The following ANTXRL variants were observed in gnomAD, a reference collection of about 807,000 sequenced individuals.
ANTXRL encodes the protein ANTXR like, also known as anthrax toxin receptor-like.
In ANTXRL, 63 loss-of-function variants were observed where a neutral mutation model predicts 75.4. The ratio of observed to expected loss-of-function variants is 0.84; its 90% CI spans 0.68 to 1.03. The LOEUF (loss-of-function observed/expected upper bound fraction) is 1.03. ANTXRL is among the 50% of genes least tolerant of loss of function. The pLI is 0.00. For synonymous variants in ANTXRL, 335 were observed against 291.3 expected, an observed-to-expected ratio of 1.15 and a Z score of -1.53; for missense variants, 797 against 789.4, an observed-to-expected ratio of 1.01 and a Z score of -0.12.
intron 12 of ANTXRL, among the ~76,000 whole-genome samples, chr10:46,308,878 CA>C (rs1188070094): frequency 6.6e-6 from 1 of 152,154 alleles, no homozygotes; most frequent in Non-Finnish European, 1.5e-5. Flanking sequence ...GTGGGATCAT[CA>C]GACCATGGAA....
chr10:46,295,788 C>T (rs540684268), intron 3 of ANTXRL, among the ~76,000 whole-genome samples: 7 of 152,240 alleles, frequency 4.6e-5, no homozygotes, highest in Non-Finnish European at 8.8e-5. Context: ...CCAAGCAGGG[C>T]CCTGGTGAAG....
intron 15 of ANTXRL, among the ~76,000 whole-genome samples, chr10:46,312,477 G>A (rs1306540730): frequency 6.8e-6 from 1 of 147,300 alleles, no homozygotes; most frequent in Non-Finnish European, 1.5e-5. Flanking sequence ...TTCCTACCTG[G>A]CTCTGCCCCT....
chr10:46,318,929 C>T (rs1013489632), intron 16 of ANTXRL, among the ~76,000 whole-genome samples: 7 of 152,196 alleles, frequency 4.6e-5, no homozygotes, highest in Middle Eastern at 3.4e-3. Flanking sequence ...AAAGGGAAAA[C>T]GACATAGAGA....
intron 1 of ANTXRL, among the ~76,000 whole-genome samples, chr10:46,288,480 G>A (rs61845175): frequency 0.026 from 3,894 of 152,100 alleles, 79 homozygotes; most frequent in Non-Finnish European, 0.035. Flanking sequence ...ATTCCTCCTG[G>A]ATACTAATGG....
At chr10:46,308,553 A>G (rs1838238525) in intron 12 of ANTXRL, 1 of 427,422 alleles carries the variant, frequency 2.3e-6, no homozygotes, top group Non-Finnish European at 4.7e-6. Flanking sequence ...AAGAACACCC[A>G]GAGAACTGTT....
Position 46,329,781 on chromosome 10 carries a change from C to CATCT in ANTXRL, c.1594_1597dup (p.Cys533TyrfsTer67). The stretch of plus-strand genomic sequence containing the variant: ...TCAAACAGGCTCGCTGCAGCCCAAA[C>CATCT]ATCTGCCTGAGACACAGCCAACACA... On this transcript the variant is annotated frameshift_variant, in exon 17 of 17. Coordinates refer to ENST00000620264, the MANE Select transcript of ANTXRL (RefSeq NM_001278688.3). LOFTEE classifies it high-confidence loss of function. 1.3e-6 allele frequency: 2 copies of CATCT among 1,535,292 alleles called. No homozygotes were observed. Among genetic ancestry groups the CATCT allele is most frequent in the Non-Finnish European group, 1.7e-6 (2 of 1,146,582 alleles).
chr10:46,310,355 G>A (rs781813360), intron 13 of ANTXRL, 106 bp from the exon 14 acceptor site: 175 of 1,085,980 alleles, frequency 1.6e-4, no homozygotes, highest in Non-Finnish European at 2.3e-4. Context: ...CCCAAAGGCA[G>A]TGCTCTGTCC....
In ANTXRL at chr10:46,311,438, A is replaced by G. The variant is rs1838415209; in HGVS notation, c.1174-72A>G. 4 of 1,426,408 alleles carry G rather than the reference A, an allele frequency of 2.8e-6. No individual in the cohort carries two copies. The African/African-American group carries it at 4.4e-5, about 16-fold the overall frequency. 88.4% of individuals were successfully genotyped at this position (1,426,408 alleles called of 1,614,324 possible). A position where few individuals can be genotyped will look rare whatever the true frequency, so the allele number is the denominator to read the frequency against. On this transcript the variant is annotated intron_variant, in intron 14 of 16. Transcript: ENST00000620264. The stretch of plus-strand genomic sequence containing the variant: ...TCTTTCTGGTCCTTTCATTCCCCAG[A>G]CACACATCTGGGAGTGGCCAGCACT...
rs1554959043 is a variant in ANTXRL at position 46,297,258 on chromosome 10, T to TAA, written c.515_516insAA (p.Pro173IlefsTer4). 1.3e-6 allele frequency: 2 copies of TAA among 1,536,418 alleles called. No individual in the cohort carries two copies. Among genetic ancestry groups the TAA allele is most frequent in the Non-Finnish European group, 1.7e-6 (2 of 1,146,816 alleles). On this transcript the variant is annotated frameshift_variant, in exon 6 of 17. Transcript: ENST00000620264. LOFTEE classifies it high-confidence loss of function. ...CTCTTTGCTTCTTCTACAGACAAGG[T>TAA]TCCCAGCATGATTATTGCTATGACT...
chr10:46,288,120 C>T (rs549090025), intron 1 of ANTXRL, among the ~76,000 whole-genome samples: 11 of 152,220 alleles, frequency 7.2e-5, no homozygotes, highest in Non-Finnish European at 1.3e-4. Context: ...TTCTGGCTCA[C>T]CAGGAAAGAA....
At chr10:46,308,811 G>T (rs1197366484) in intron 12 of ANTXRL, 2 of 441,298 alleles carry the variant, frequency 4.5e-6, no homozygotes, top group Non-Finnish European at 8.3e-6. Flanking sequence ...TCTTTGTACC[G>T]GTAGATTTTG....
chr10:46,321,953 G>A (rs1838997507), intron 16 of ANTXRL, among the ~76,000 whole-genome samples: 1 of 152,102 alleles, frequency 6.6e-6, no homozygotes, highest in South Asian at 2.1e-4. Context: ...AGAAGACAGA[G>A]GGCTAAGGAC....
At chr10:46,309,077 C>T (rs1395520908) in intron 12 of ANTXRL, 36 bp from the exon 13 acceptor site, 11 of 1,535,360 alleles carry the variant, frequency 7.2e-6, no homozygotes, top group Non-Finnish European at 9.6e-6. Flanking sequence ...GAAGAGGCCA[C>T]CGAGGCCCTC....
At chr10:46,324,800 G>C (rs998338728) in intron 16 of ANTXRL, among the ~76,000 whole-genome samples, 1 of 152,118 alleles carries the variant, frequency 6.6e-6, no homozygotes. Flanking sequence ...TGGTTCAGGA[G>C]AGTCAGGAAA....
rs1319913202 is a variant in ANTXRL at position 46,297,418 on chromosome 10, C to G, written c.598C>G (p.Arg200Gly). The G allele has an allele frequency of 3.9e-6, 6 of 1,535,914 alleles. No individual in the cohort carries two copies. The highest frequency in any genetic ancestry group is 2.4e-5 in the East Asian group (1 of 40,898). The change falls in exon 7 of 17, where the codon CGG becomes GGG. Residue 200 changes from arginine to glycine, a missense_variant. Coordinates refer to ENST00000620264, the MANE Select transcript of ANTXRL (RefSeq NM_001278688.3). ...QDTLREAQKA[R>G]KLGANVYTLG... ...TTCTTTCCCTTAGGCTCAAAAGGCT[C>G]GGAAACTGGGGGCCAACGTTTACAC...
chr10:46,300,146 C>T (rs556802073), intron 9 of ANTXRL, among the ~76,000 whole-genome samples: 2 of 152,318 alleles, frequency 1.3e-5, no homozygotes, highest in East Asian at 3.9e-4. Flanking sequence ...GCCCTCTGCC[C>T]ACCAGCTCGG....
intron 1 of ANTXRL, among the ~76,000 whole-genome samples, chr10:46,290,342 T>A (rs1393455108): frequency 6.6e-6 from 1 of 152,186 alleles, no homozygotes; most frequent in Non-Finnish European, 1.5e-5. Context: ...TCGCCCGGCC[T>A]GTTTATCTTT....
intron 9 of ANTXRL, among the ~76,000 whole-genome samples, chr10:46,301,018 A>G (rs1266412594): frequency 2.1e-5 from 1 of 48,354 alleles, no homozygotes; most frequent in Non-Finnish European, 3.6e-5. Context: ...ATCCACCTTG[A>G]AAAAAAAAAA....
intron 10 of ANTXRL, among the ~76,000 whole-genome samples, chr10:46,303,200 T>G (rs1486535138): frequency 1.3e-5 from 2 of 152,156 alleles, no homozygotes; most frequent in South Asian, 2.1e-4. Flanking sequence ...GCCCCGGAGA[T>G]CTGAGCCTGA....
Sources: allele counts gnomAD v4.1 joint callset (sites outside exome capture counted in the v4.1 genomes callset), GRCh38; gene constraint gnomAD v4.1.1; transcripts MANE v1.5; gene names NCBI Gene and HGNC (gene_info 2026-07-23, HGNC 2026-07-21).